Variants in STXBP5L observed in about 807,000 individuals in gnomAD.
The protein encoded by STXBP5L is syntaxin-binding protein 5-like.
STXBP5L carries 65 observed loss-of-function variants against 144.5 expected under a neutral mutation model. That is an observed-to-expected ratio of 0.45 (90% CI 0.37 to 0.55). The LOEUF is 0.55. STXBP5L is among the 20% of genes least tolerant of loss of function. The pLI is 0.00. For missense variants in STXBP5L, 1,298 were observed against 1,405.5 expected (o/e 0.92, Z 1.22); for synonymous variants, 505 against 469.6 (o/e 1.08, Z -0.97).
intron 2 of STXBP5L, among the ~76,000 whole-genome samples, chr3:120,910,425 A>G (rs1708768691): frequency 6.6e-6 from 1 of 152,218 alleles, no homozygotes; most frequent in Admixed American, 6.5e-5. Flanking sequence ...AGAAGATGAG[A>G]GTTTATAAAA....
At chr3:121,006,404 G>A (rs988180143) in intron 3 of STXBP5L, among the ~76,000 whole-genome samples, 41 of 152,036 alleles carry the variant, frequency 2.7e-4, no homozygotes, top group African/African-American at 8.9e-4. Flanking sequence ...CCATTTGCTT[G>A]GTAGATCTTC....
intron 8 of STXBP5L, among the ~76,000 whole-genome samples, chr3:121,155,017 G>A (rs879668859): frequency 1.3e-5 from 2 of 151,776 alleles, no homozygotes; most frequent in Non-Finnish European, 3.0e-5. Flanking sequence ...ATGACTATAA[G>A]AGCATTTTAA....
chr3:120,980,051 G>A (rs910231928), intron 3 of STXBP5L, among the ~76,000 whole-genome samples: 5 of 152,066 alleles, frequency 3.3e-5, no homozygotes, highest in Non-Finnish European at 7.4e-5. Flanking sequence ...TGTTGGTGTT[G>A]ATTTCCAGTT....
intron 3 of STXBP5L, among the ~76,000 whole-genome samples, chr3:121,011,199 G>A (rs1248685086): frequency 6.6e-6 from 1 of 150,910 alleles, no homozygotes; most frequent in Non-Finnish European, 1.5e-5. Flanking sequence ...AGGCTTGGCT[G>A]CAGGTGTACT....
rs553526702 is a variant in STXBP5L at position 121,387,252 on chromosome 3, G to C, written c.2587+5720G>C. Among the ~76,000 whole-genome samples the C allele has an allele frequency of 8.4e-3, 1,273 of 152,204 alleles. 16 individuals are homozygous for C. Among genetic ancestry groups the C allele is most frequent in the African/African-American group, 0.029 (1,207 of 41,538 alleles). ...CCTTTGCCCACTTTTTGATGGGGTT[G>C]CTTGGTTTTTTAGTGTAAATTTGTT... On this transcript the variant is annotated intron_variant, in intron 22 of 26. Transcript: ENST00000471454.
rs1302311776 is a variant in STXBP5L, at chr3:121,423,755, T to G, written c.*4658T>G. Reference sequence around the variant, plus strand: ...TTATGGCCAACTAAGGAAACCTTGTTTGTCTGCCTTGGCTGGTGCTCCAGC... The same window carrying G: ...TTATGGCCAACTAAGGAAACCTTGTGTGTCTGCCTTGGCTGGTGCTCCAGC... On this transcript the variant is annotated 3_prime_UTR_variant, in exon 27 of 27. Coordinates refer to ENST00000471454, the MANE Select transcript of STXBP5L (RefSeq NM_001308330.2). 6.6e-6 allele frequency: 1 copy of G among 152,196 alleles called. No individual in the cohort carries two copies. The highest frequency in any genetic ancestry group is 1.5e-5 in the Non-Finnish European group (1 of 68,036). The allele number at this position is 152,196 out of a possible 1,614,324, so 9.4% of individuals were successfully genotyped here.
At chr3:121,094,601 C>T (rs1317119523) in intron 5 of STXBP5L, among the ~76,000 whole-genome samples, 1 of 151,748 alleles carries the variant, frequency 6.6e-6, no homozygotes, top group Non-Finnish European at 1.5e-5. Context: ...CAACCCCTGC[C>T]TTTTTTTGTT....
At chr3:120,996,663 G>A (rs775998838) in intron 3 of STXBP5L, among the ~76,000 whole-genome samples, 4 of 152,092 alleles carry the variant, frequency 2.6e-5, no homozygotes, top group African/African-American at 7.2e-5. Flanking sequence ...CTGCTCCTAT[G>A]AATTCAACTT....
intron 11 of STXBP5L, among the ~76,000 whole-genome samples, chr3:121,231,043 G>A (rs2049291314): frequency 6.6e-6 from 1 of 152,162 alleles, no homozygotes; most frequent in Non-Finnish European, 1.5e-5. Flanking sequence ...TCAGAAACTG[G>A]TATCTGGTGG....
At chr3:120,933,366 C>T (rs1559884510) in intron 2 of STXBP5L, among the ~76,000 whole-genome samples, 1 of 152,082 alleles carries the variant, frequency 6.6e-6, no homozygotes, top group South Asian at 2.1e-4. Context: ...GCTAAATTAT[C>T]TGGCCAACAT....
At chr3:121,220,019 G>C (rs981385065) in intron 10 of STXBP5L, among the ~76,000 whole-genome samples, 2 of 151,974 alleles carry the variant, frequency 1.3e-5, no homozygotes, top group Non-Finnish European at 2.9e-5. Context: ...TTGGTGTACA[G>C]TTTCATGTTT....
At chr3:120,929,872 C>T (rs7648074) in intron 2 of STXBP5L, among the ~76,000 whole-genome samples, 15,086 of 151,844 alleles carry the variant, frequency 0.099, 1,178 homozygotes, top group Admixed American at 0.2. Context: ...AGTATACTTA[C>T]TAGTCAGTTG....
chr3:121,011,479 G>A (rs1944770416), intron 3 of STXBP5L, among the ~76,000 whole-genome samples: 1 of 151,600 alleles, frequency 6.6e-6, no homozygotes, highest in Admixed American at 6.6e-5. Context: ...ATGGTATAAG[G>A]ACAAGTGATA....
chr3:121,135,480 A>G (rs990060804), intron 7 of STXBP5L, among the ~76,000 whole-genome samples: 4 of 152,152 alleles, frequency 2.6e-5, no homozygotes, highest in African/African-American at 9.7e-5. Flanking sequence ...TGCTGCAACT[A>G]TATGGTCCCA....
chr3:121,313,197 C>A (rs1204888217), intron 19 of STXBP5L, among the ~76,000 whole-genome samples: 2 of 133,680 alleles, frequency 1.5e-5, no homozygotes, highest in African/African-American at 3.0e-5. Context: ...CCGGACGGGG[C>A]GGCCGGCCGG....
At chr3:121,016,838 G>C (rs971524643) in intron 3 of STXBP5L, among the ~76,000 whole-genome samples, 4 of 152,078 alleles carry the variant, frequency 2.6e-5, no homozygotes, top group African/African-American at 9.7e-5. Flanking sequence ...TGTGTTTACT[G>C]GTGAATTCTA....
intron 2 of STXBP5L, among the ~76,000 whole-genome samples, chr3:120,935,328 A>G (rs186923304): frequency 6.6e-6 from 1 of 151,206 alleles, no homozygotes; most frequent in East Asian, 1.9e-4. Context: ...GCGTTCATTC[A>G]TTTTACTTAT....
At chr3:121,309,288 T>C (rs2043447144) in intron 19 of STXBP5L, among the ~76,000 whole-genome samples, 1 of 151,922 alleles carries the variant, frequency 6.6e-6, no homozygotes, top group African/African-American at 2.4e-5. Context: ...TGTAAATAGG[T>C]TGAAAATGAA....
chr3:121,003,874 A>G (rs148800841), intron 3 of STXBP5L, among the ~76,000 whole-genome samples: 1 of 152,186 alleles, frequency 6.6e-6, no homozygotes, highest in African/African-American at 2.4e-5. Context: ...GATATATGGC[A>G]TTATTTCTGA....
Sources: allele counts gnomAD v4.1 joint callset (sites outside exome capture counted in the v4.1 genomes callset), GRCh38; gene constraint gnomAD v4.1.1; transcripts MANE v1.5; gene names NCBI Gene and HGNC (gene_info 2026-07-23, HGNC 2026-07-21).